LOC400499: variants seen among roughly 807,000 people sequenced by gnomAD.
At chr16:11,417,713 G>A in the LOC400499 span, 16 of 399,256 alleles carry the variant, frequency 4.0e-5, no homozygotes, top group African/African-American at 1.8e-4. Flanking sequence ...TGCCAGCTCC[G>A]GCCGGAGAGC....
chr16:11,506,795 A>G, the LOC400499 span, among the ~76,000 whole-genome samples: 79 of 152,188 alleles, frequency 5.2e-4, no homozygotes, highest in East Asian at 6.0e-3. Flanking sequence ...CCCACCATCA[A>G]TGGGGAGGGG....
the LOC400499 span, chr16:11,391,936 G>T: frequency 1.3e-6 from 1 of 770,968 alleles, no homozygotes; most frequent in Non-Finnish European, 1.8e-6. Context: ...TGCCTGGTGA[G>T]TGGGGGCTAC....
At chr16:11,461,248 A>C in the LOC400499 span, 1 of 1,149,938 alleles carries the variant, frequency 8.7e-7, no homozygotes, top group Non-Finnish European at 1.2e-6. Flanking sequence ...AAGAGCCAAC[A>C]TGTGCACCCT....
the LOC400499 span, among the ~76,000 whole-genome samples, chr16:11,497,305 G>A: frequency 6.6e-6 from 1 of 152,346 alleles, no homozygotes; most frequent in Middle Eastern, 3.4e-3. Flanking sequence ...ACAGGGGTGT[G>A]TGGAGCCTGG....
the LOC400499 span, among the ~76,000 whole-genome samples, chr16:11,489,215 G>A: frequency 6.6e-6 from 1 of 152,312 alleles, no homozygotes; most frequent in East Asian, 1.9e-4. Context: ...CCGAGCCTCA[G>A]TTTCCTCATC....
chr16:11,470,266 C>T, the LOC400499 span, among the ~76,000 whole-genome samples: 1 of 152,136 alleles, frequency 6.6e-6, no homozygotes, highest in Non-Finnish European at 1.5e-5. Flanking sequence ...GCAAGCTCTG[C>T]ACTTCCTGGC....
the LOC400499 span, chr16:11,460,409 G>A: frequency 2.8e-4 from 405 of 1,453,032 alleles, no homozygotes; most frequent in Admixed American, 3.6e-4. Context: ...TGAGTTCAGG[G>A]TACTCAGATC....
At chr16:11,490,958 A>T in the LOC400499 span, among the ~76,000 whole-genome samples, 5 of 152,240 alleles carry the variant, frequency 3.3e-5, no homozygotes, top group Admixed American at 1.3e-4. Context: ...TGCATTAATA[A>T]TAATAGCAGT....
the LOC400499 span, among the ~76,000 whole-genome samples, chr16:11,494,398 G>C: frequency 2.0e-5 from 3 of 150,832 alleles, no homozygotes; most frequent in Admixed American, 6.6e-5. Flanking sequence ...GCAGTGGCGT[G>C]GGGGGGCAGG....
the LOC400499 span, chr16:11,469,365 T>C: frequency 5.0e-6 from 2 of 398,918 alleles, no homozygotes; most frequent in Non-Finnish European, 8.8e-6. Context: ...GCCTAAGATG[T>C]AGCACCTGTA....
At chr16:11,387,229 C>T in the LOC400499 span, 108 of 1,232,218 alleles carry the variant, frequency 8.8e-5, no homozygotes, top group Non-Finnish European at 9.9e-5. Context: ...AGCTGGTCAC[C>T]CGGGCCACGT....
the LOC400499 span, among the ~76,000 whole-genome samples, chr16:11,456,664 G>C: frequency 6.6e-6 from 1 of 152,100 alleles, no homozygotes; most frequent in African/African-American, 2.4e-5. Flanking sequence ...CTGGCCTCGA[G>C]AAGTCCTCCC....
the LOC400499 span, among the ~76,000 whole-genome samples, chr16:11,446,289 A>G: frequency 6.6e-6 from 1 of 151,988 alleles, no homozygotes; most frequent in Admixed American, 6.6e-5. Flanking sequence ...AGCTGGGACT[A>G]CAAGCACATG....
chr16:11,424,246 C>T, the LOC400499 span: 16 of 399,134 alleles, frequency 4.0e-5, no homozygotes, highest in Non-Finnish European at 5.7e-5. Context: ...CCAATGGCAC[C>T]GTCTAGCTGA....
At chr16:11,518,781 C>T in the LOC400499 span, 1 of 397,696 alleles carries the variant, frequency 2.5e-6, no homozygotes, top group East Asian at 3.6e-5. Flanking sequence ...GTCACCCTAA[C>T]CAATTGTCCT....
the LOC400499 span, chr16:11,417,589 G>A: frequency 5.0e-6 from 2 of 396,910 alleles, no homozygotes; most frequent in Non-Finnish European, 4.4e-6. Flanking sequence ...AGGCATGGAG[G>A]AAGCCAGCTC....
the LOC400499 span, among the ~76,000 whole-genome samples, chr16:11,373,048 C>A: frequency 2.6e-5 from 4 of 152,124 alleles, no homozygotes; most frequent in Non-Finnish European, 1.5e-5. Flanking sequence ...ACCCTCGACA[C>A]AGAGAAGACC....
chr16:11,463,255 C>T, the LOC400499 span, among the ~76,000 whole-genome samples: 2 of 62,904 alleles, frequency 3.2e-5, no homozygotes, highest in African/African-American at 1.2e-4. Context: ...AGGCTCCCCA[C>T]CCCCACGCCC....
the LOC400499 span, chr16:11,441,014 C>G: frequency 2.5e-6 from 1 of 399,096 alleles, no homozygotes; most frequent in Non-Finnish European, 4.4e-6. Flanking sequence ...GATGCAAACC[C>G]TTCAAGTGCA....
Sources: gnomAD v4.1 joint callset for allele counts (sites outside exome capture counted in the v4.1 genomes callset) on GRCh38, gnomAD v4.1.1 for gene constraint, MANE v1.5 for transcripts.